Variants in ANO3 observed in about 807,000 individuals in gnomAD.
ANO3 encodes anoctamin 3.
Under a neutral mutation model 144.8 loss-of-function variants are expected in ANO3, and 99 were observed. The ratio of observed to expected loss-of-function variants is 0.68; its 90% CI spans 0.58 to 0.81. ANO3 has a LOEUF of 0.81. Among genes scored for constraint, ANO3 ranks in the 30% least tolerant of loss-of-function variants. The pLI is 0.00. For synonymous variants in ANO3, 414 were observed against 392.6 expected (o/e 1.05, Z -0.64); for missense variants, 905 against 1,202.2 (o/e 0.75, Z 3.66).
At chr11:26,304,694 A>T (rs1854330131), upstream of ANO3, among the ~76,000 whole-genome samples, 1 of 152,150 alleles carries the variant, frequency 6.6e-6, no homozygotes, top group Non-Finnish European at 1.5e-5. Flanking sequence ...GCTCCATAAG[A>T]TTGTAAAATT....
intron 6 of ANO3, among the ~76,000 whole-genome samples, chr11:26,517,659 A>G (rs1431510959): frequency 1.3e-5 from 2 of 152,042 alleles, no homozygotes; most frequent in East Asian, 1.9e-4. Flanking sequence ...TTCAGCACAA[A>G]CAGAATGCCA....
chr11:26,549,816 G>A (rs1365177014), intron 12 of ANO3, among the ~76,000 whole-genome samples: 1 of 151,862 alleles, frequency 6.6e-6, no homozygotes, highest in Admixed American at 6.6e-5. Context: ...CAGAGCTGAA[G>A]CCCCAACTCT....
intron 1 of ANO3, among the ~76,000 whole-genome samples, chr11:26,315,686 C>CATCTATCTATCT (rs764949318): frequency 3.7e-4 from 40 of 108,336 alleles, no homozygotes; most frequent in African/African-American, 1.1e-3. Context: ...TCTATCTATC[C>CATCTATCTATCT]ATCTATCTAT....
At chr11:26,408,339 G>C (rs1442591981) in intron 1 of ANO3, among the ~76,000 whole-genome samples, 3 of 151,734 alleles carry the variant, frequency 2.0e-5, no homozygotes, top group Non-Finnish European at 4.4e-5. Context: ...CTTCTCAAAA[G>C]AAGACATTTA....
At chr11:26,463,946 A>T (rs1031329253) in intron 4 of ANO3, among the ~76,000 whole-genome samples, 1 of 151,794 alleles carries the variant, frequency 6.6e-6, no homozygotes, top group African/African-American at 2.4e-5. Context: ...ATGCCTTTGT[A>T]AAAAAGATAG....
chr11:26,338,214 T>C (rs1224137829), intron 1 of ANO3, among the ~76,000 whole-genome samples: 1 of 151,804 alleles, frequency 6.6e-6, no homozygotes, highest in African/African-American at 2.4e-5. Flanking sequence ...CTGGGTTGAG[T>C]GGGAACTTGG....
chr11:26,233,216 C>CAAA (rs56234101), intron 1 of ANO3, among the ~76,000 whole-genome samples: 2,238 of 118,412 alleles, frequency 0.019, 32 homozygotes, highest in Non-Finnish European at 0.027. Context: ...GACTCCGTCT[C>CAAA]AAAAAAAAAA....
intron 4 of ANO3, among the ~76,000 whole-genome samples, chr11:26,478,062 C>T (rs1037823820): frequency 4.6e-5 from 7 of 152,172 alleles, no homozygotes; most frequent in Non-Finnish European, 7.4e-5. Flanking sequence ...ATCTGCACCA[C>T]TAATTCTCAA....
At chr11:26,199,332 A>T (rs1590189198) in intron 1 of ANO3, among the ~76,000 whole-genome samples, 1 of 152,094 alleles carries the variant, frequency 6.6e-6, no homozygotes, top group South Asian at 2.1e-4. Flanking sequence ...CCTCCTACTA[A>T]AGAGAAAATT....
chr11:26,609,316 A>G (rs1471516973), intron 17 of ANO3, among the ~76,000 whole-genome samples: 1 of 148,564 alleles, frequency 6.7e-6, no homozygotes, highest in Non-Finnish European at 1.5e-5. Flanking sequence ...TGTAGGATTC[A>G]CATGCTATTC....
At chr11:26,538,347 G>A (rs1849562887) in intron 10 of ANO3, among the ~76,000 whole-genome samples, 1 of 152,056 alleles carries the variant, frequency 6.6e-6, no homozygotes, top group Non-Finnish European at 1.5e-5. Context: ...ATTCATTATG[G>A]TATACATACT....
rs138871773 is a variant in ANO3, at chr11:26,322,122, G to A, written c.-3+12403G>A. Among the ~76,000 whole-genome samples, 19 of 151,914 alleles carry A rather than the reference G, an allele frequency of 1.3e-4. No individual in the cohort carries two copies. The East Asian group carries it at 2.7e-3, about 22-fold the overall frequency. On this transcript the variant is annotated intron_variant, in intron 1 of 26. Transcript: ENST00000525139. ...GAATCTTTCCTTCAGTTTATGTACCGCATTTTTTTAGCTGCAAAACCATGG... is the reference window on the plus strand; with the variant it reads ...GAATCTTTCCTTCAGTTTATGTACCACATTTTTTTAGCTGCAAAACCATGG...
chr11:26,422,258 C>G (rs937479552), intron 1 of ANO3, among the ~76,000 whole-genome samples: 27 of 151,970 alleles, frequency 1.8e-4, no homozygotes, highest in African/African-American at 6.3e-4. Context: ...TTATTATTTA[C>G]TTTTCAATTT....
At position 26,516,764 on chromosome 11, in the gene ANO3, C is replaced by G. The variant is rs995116751; in HGVS notation, c.592-63C>G. 3 of 1,161,968 alleles carry G rather than the reference C, an allele frequency of 2.6e-6. No individual in the cohort carries two copies. In the East Asian group the frequency reaches 7.3e-5, roughly 28 times the overall value. 72.0% of individuals were successfully genotyped at this position (1,161,968 alleles called of 1,614,324 possible). A position where few individuals can be genotyped will look rare whatever the true frequency, so the allele number is the denominator to read the frequency against. On this transcript the variant is annotated intron_variant, in intron 5 of 26. Transcript: ENST00000256737. ...CAATGTTCTTTATTCCCAAATCAAACTGTGGCATGATATCATCAGCTCTGA... is the reference window on the plus strand; with the variant it reads ...CAATGTTCTTTATTCCCAAATCAAAGTGTGGCATGATATCATCAGCTCTGA...
At chr11:26,276,381 C>G (rs1853560803) in intron 1 of ANO3, among the ~76,000 whole-genome samples, 1 of 152,026 alleles carries the variant, frequency 6.6e-6, no homozygotes. Context: ...CCATCAGACC[C>G]CATTCGAGAA....
rs147509668 is a variant in ANO3 at position 26,211,593 on chromosome 11, A to G, written c.154+22263A>G. On this transcript the variant is annotated intron_variant, in intron 1 of 27. Coordinates refer to the ANO3 transcript ENST00000672621. The stretch of plus-strand genomic sequence containing the variant: ...CTGGAGCGGATGTGGAGAAATAGGA[A>G]TGCTTTTACAATGTTGGTGGGCGTG... Among the ~76,000 whole-genome samples, 1,290 of 152,264 alleles carry G rather than the reference A, an allele frequency of 8.5e-3. 20 individuals are homozygous for G. The highest frequency in any genetic ancestry group is 0.025 in the African/African-American group (1,057 of 41,542).
intron 1 of ANO3, among the ~76,000 whole-genome samples, chr11:26,192,635 T>C (rs1851500182): frequency 6.6e-6 from 1 of 152,154 alleles, no homozygotes; most frequent in South Asian, 2.1e-4. Flanking sequence ...CATCTTAAAT[T>C]CCGTGCATTA....
At chr11:26,315,029 A>T (rs2133873833) in intron 1 of ANO3, among the ~76,000 whole-genome samples, 1 of 152,084 alleles carries the variant, frequency 6.6e-6, no homozygotes, top group South Asian at 2.1e-4. Context: ...ATGAGTAAAT[A>T]TTATTGTTTT....
intron 1 of ANO3, among the ~76,000 whole-genome samples, chr11:26,300,129 GT>G (rs539399293): frequency 2.1e-4 from 32 of 152,172 alleles, no homozygotes; most frequent in Admixed American, 7.9e-4. Context: ...ATGCTGGCAT[GT>G]TTTTTCCTTC....
Sources: allele counts gnomAD v4.1 joint callset (sites outside exome capture counted in the v4.1 genomes callset), GRCh38; gene constraint gnomAD v4.1.1; transcripts MANE v1.5; gene names NCBI Gene and HGNC (gene_info 2026-07-23, HGNC 2026-07-21).